The following KIF13A variants were observed in gnomAD, a reference collection of about 807,000 sequenced individuals.
The protein encoded by KIF13A is kinesin-like protein KIF13A.
A neutral mutation model predicts 212.2 loss-of-function variants in KIF13A; 79 were observed. The observed-to-expected ratio is 0.37, with a 90% CI of 0.31 to 0.45. The LOEUF (loss-of-function observed/expected upper bound fraction) is 0.45. KIF13A is among the 20% of genes least tolerant of loss of function. The pLI is 1.00. For missense variants in KIF13A, 1,901 were observed against 2,209.0 expected (o/e 0.86, Z 2.79); for synonymous variants, 789 against 808.6 (o/e 0.98, Z 0.41).
intron 2 of KIF13A, among the ~76,000 whole-genome samples, chr6:17,908,319 G>C (rs901561054): frequency 1.3e-5 from 2 of 152,148 alleles, no homozygotes; most frequent in African/African-American, 4.8e-5. Context: ...ATTAATTGAG[G>C]CTGGGCATGG....
chr6:17,813,707 T>C (rs1334123350), intron 17 of KIF13A, among the ~76,000 whole-genome samples: 4 of 152,108 alleles, frequency 2.6e-5, no homozygotes, highest in African/African-American at 9.7e-5. Flanking sequence ...CTGCATCTCA[T>C]TGCTAGTGAG....
rs1053188933 is a variant in KIF13A at position 17,951,225 on chromosome 6, T to C, written c.146+35829A>G. Reference sequence around the variant, plus strand: ...GCTGGCGTGCAGTGGCTCAAACAGCTCACTGGAGCCTCCTGCCTCAGTCTC... The same window carrying C: ...GCTGGCGTGCAGTGGCTCAAACAGCCCACTGGAGCCTCCTGCCTCAGTCTC... On this transcript the variant is annotated intron_variant, in intron 2 of 38. Transcript: ENST00000259711. This position sits in a 1 kb window ranked among gnomAD's most constrained non-coding sequence, Gnocchi z 4.9. 7.3e-5 allele frequency: 65 copies of C among 895,968 alleles called. No homozygotes were observed. The Middle Eastern group carries it at 1.9e-3, about 26-fold the overall frequency. The allele number at this position is 895,968 out of a possible 1,614,324, so 55.5% of individuals were successfully genotyped here. A position where few individuals can be genotyped will look rare whatever the true frequency, so the allele number is the denominator to read the frequency against.
intron 2 of KIF13A, among the ~76,000 whole-genome samples, chr6:17,938,062 T>A (rs1192961488): frequency 1.9e-5 from 1 of 52,932 alleles, no homozygotes; most frequent in East Asian, 5.0e-4. Context: ...TTACATAATT[T>A]TAAAATTTTT....
At position 17,811,494 on chromosome 6, in the gene KIF13A, A is replaced by C. The variant is rs1454810202; in HGVS notation, c.2001-2564T>G. ...ATTTTCTATGACTTAATTTTTCCAC[A>C]AATTTATATCTTGTTTCATACTACA... is the stretch of plus-strand genomic sequence containing the variant. On this transcript the variant is annotated intron_variant, in intron 17 of 38. Transcript: ENST00000259711. This position sits in a 1 kb window ranked among gnomAD's most constrained non-coding sequence, Gnocchi z 6.0. 6.6e-6 allele frequency among the ~76,000 whole-genome samples: 1 copy of C among 152,210 alleles called. No homozygotes were observed. The highest frequency in any genetic ancestry group is 1.5e-5 in the Non-Finnish European group (1 of 68,028).
chr6:17,940,344 CT>C (rs1260099070), intron 2 of KIF13A, among the ~76,000 whole-genome samples: 2 of 152,192 alleles, frequency 1.3e-5, no homozygotes, highest in Admixed American at 1.3e-4. Context: ...TTCTGCATTT[CT>C]AATGAGCTCC....
chr6:17,936,750 G>A (rs1038092646), intron 2 of KIF13A, among the ~76,000 whole-genome samples: 1 of 151,812 alleles, frequency 6.6e-6, no homozygotes, highest in Non-Finnish European at 1.5e-5. Context: ...TAATATTAAC[G>A]AATAATACAA....
In KIF13A at chr6:17,825,805, T is replaced by C. The variant is rs1314378491; in HGVS notation, c.1749A>G (p.Ala583=). 1 of 1,613,930 alleles carries C rather than the reference T, an allele frequency of 6.2e-7. No homozygotes were observed. ...SSEPDYNYEF[A]QMEVIMKTLN... is the part of the protein sequence containing the mutation. ...GGGTTTTCATGATAACTTCCATCTG[T>C]GCAAATTCATAGTTATAGTCTGGTT... The change falls in exon 16 of 39, where the codon GCA becomes GCG. Residue 583 remains alanine (A), a synonymous_variant. Coordinates refer to ENST00000259711, the MANE Select transcript of KIF13A (RefSeq NM_022113.6). The surrounding 1 kb of genome is among the most constrained non-coding windows in gnomAD (Gnocchi z 4.5).
chr6:17,972,093 T>C (rs1052439804), intron 2 of KIF13A, among the ~76,000 whole-genome samples: 1 of 152,230 alleles, frequency 6.6e-6, no homozygotes, highest in Non-Finnish European at 1.5e-5. Context: ...ATGCTAATGT[T>C]ACCTATTTGT....
At chr6:17,761,692 T>C (rs146331610), downstream of KIF13A, among the ~76,000 whole-genome samples, 42 of 152,214 alleles carry the variant, frequency 2.8e-4, no homozygotes, top group East Asian at 7.9e-3. Context: ...TAAAAACTCT[T>C]TAAAGGAGAA....
chr6:17,933,699 C>T (rs541235697), intron 2 of KIF13A, among the ~76,000 whole-genome samples: 5 of 152,130 alleles, frequency 3.3e-5, no homozygotes, highest in Non-Finnish European at 7.3e-5. Flanking sequence ...AAAGCAACTA[C>T]TTTAACAAGT....
chr6:17,873,618 G>T (rs900553176), intron 3 of KIF13A, among the ~76,000 whole-genome samples, 181 bp from the exon 4 acceptor site: 32 of 151,884 alleles, frequency 2.1e-4, no homozygotes, highest in Non-Finnish European at 3.8e-4. Context: ...TTTTTTGGGG[G>T]ACAGGGTCAT....
chr6:17,977,521 GAC>G (rs1780679200), intron 2 of KIF13A, among the ~76,000 whole-genome samples: 4 of 152,086 alleles, frequency 2.6e-5, no homozygotes, highest in Admixed American at 2.6e-4. Flanking sequence ...AAATTCAAGA[GAC>G]TATTCAATTT....
chr6:17,868,976 G>A, intron 4 of KIF13A, among the ~76,000 whole-genome samples: 1 of 86,482 alleles, frequency 1.2e-5, no homozygotes. Context: ...GGCGACAGAG[G>A]GAGACTCCCT....
rs1473163877 is a variant in KIF13A, at chr6:17,836,895, G to T, written c.1138C>A (p.Gln380Lys). 1 of 1,613,680 alleles carries T rather than the reference G, an allele frequency of 6.2e-7. No individual in the cohort carries two copies. The highest frequency in any genetic ancestry group is 8.5e-7 in the Non-Finnish European group (1 of 1,179,800). ...LREEVEKLREQLSQAEAMKAP... is the reference protein window; with the variant it reads ...LREEVEKLREKLSQAEAMKAP... Reference sequence around the variant, plus strand: ...GCTTTTACCTCTGCCTGAGAGAGCTGCTCTCTCAGTTTCTCGACTTCCTCC... The same window carrying T: ...GCTTTTACCTCTGCCTGAGAGAGCTTCTCTCTCAGTTTCTCGACTTCCTCC... The change falls in exon 11 of 39, where the codon CAG (glutamine) becomes AAG (lysine). Residue 380 changes from glutamine (Q) to lysine (K), a missense_variant. This residue lies in a region of KIF13A where 506 missense variants were observed against 637.4 expected (regional missense o/e 0.79). Coordinates refer to ENST00000259711, the MANE Select transcript of KIF13A (RefSeq NM_022113.6).
intron 2 of KIF13A, among the ~76,000 whole-genome samples, chr6:17,911,012 C>T (rs1346942296): frequency 2.0e-5 from 3 of 152,220 alleles, no homozygotes; most frequent in Non-Finnish European, 4.4e-5. Context: ...ATCCGCCCGC[C>T]TCAGCCTCCC....
At chr6:17,792,911 T>C (rs7756178) in intron 25 of KIF13A, among the ~76,000 whole-genome samples, 138,665 of 152,190 alleles carry the variant, frequency 0.91, 63,294 homozygotes, top group East Asian at 0.99. Flanking sequence ...TCAGACTCCA[T>C]AGAGAAATGT....
intron 3 of KIF13A, among the ~76,000 whole-genome samples, chr6:17,878,872 T>C (rs1293568399): frequency 1.3e-5 from 2 of 152,230 alleles, no homozygotes; most frequent in African/African-American, 4.8e-5. Flanking sequence ...ACAATACTGA[T>C]AGATACAACT....
chr6:17,939,774 CG>C (rs970550405), intron 2 of KIF13A, among the ~76,000 whole-genome samples: 27 of 152,136 alleles, frequency 1.8e-4, no homozygotes, highest in African/African-American at 6.5e-4. Flanking sequence ...CTCACCTGGC[CG>C]GGCGTAGTGG....
chr6:17,803,527 C>T (rs1170753179), intron 20 of KIF13A, among the ~76,000 whole-genome samples: 1 of 152,186 alleles, frequency 6.6e-6, no homozygotes, highest in African/African-American at 2.4e-5. Context: ...GTTCAACGTA[C>T]ATTTTCTGAA....
Sources: allele counts gnomAD v4.1 joint callset (sites outside exome capture counted in the v4.1 genomes callset), GRCh38; gene constraint gnomAD v4.1.1; regional missense constraint gnomAD v4.1.1; non-coding constraint Gnocchi (gnomAD v3.1); transcripts MANE v1.5; gene names NCBI Gene and HGNC (gene_info 2026-07-23, HGNC 2026-07-21).